The following BCAS3 variants were observed in gnomAD, a reference collection of about 807,000 sequenced individuals.
BCAS3 encodes BCAS3 microtubule associated cell migration factor.
Under a neutral mutation model 116.1 loss-of-function variants are expected in BCAS3, and 53 were observed. That is an observed-to-expected ratio of 0.46 (90% confidence interval 0.37 to 0.57). The LOEUF (loss-of-function observed/expected upper bound fraction) is 0.57, where lower values mean the gene tolerates loss of function less well. BCAS3 is among the 20% of genes least tolerant of loss of function. BCAS3 has a pLI of 0.00. For synonymous variants in BCAS3, 391 were observed against 408.2 expected (o/e 0.96, Z 0.51); for missense variants, 917 against 1,165.4 (o/e 0.79, Z 3.10).
At chr17:60,848,114 A>G (rs988060523) in intron 7 of BCAS3, among the ~76,000 whole-genome samples, 3 of 152,180 alleles carry the variant, frequency 2.0e-5, no homozygotes, top group African/African-American at 4.8e-5. Flanking sequence ...AAGTTAATTC[A>G]TCATTAATTT....
At chr17:61,022,375 G>A (rs1444340448) in intron 16 of BCAS3, among the ~76,000 whole-genome samples, 4 of 151,968 alleles carry the variant, frequency 2.6e-5, no homozygotes, top group Non-Finnish European at 4.4e-5. Context: ...TCAGCCTCCC[G>A]AGTAGCTGGA....
In BCAS3 at chr17:61,379,812, G is replaced by A. The variant is rs1232392763; in HGVS notation, c.2593+11318G>A. On this transcript the variant is annotated intron_variant, in intron 23 of 23. Transcript: ENST00000407086. The surrounding 1 kb of genome is among the most constrained non-coding windows in gnomAD (Gnocchi z 5.5). ...TTTGGGAGAAGCGCCATCCAGTCGTGTCATTTGTTCAGGATGACTTTTCCA... is the reference window on the plus strand; with the variant it reads ...TTTGGGAGAAGCGCCATCCAGTCGTATCATTTGTTCAGGATGACTTTTCCA... 1.3e-5 allele frequency: 2 copies of A among 152,794 alleles called. No individual in the cohort carries two copies. The highest frequency in any genetic ancestry group is 2.9e-5 in the Non-Finnish European group (2 of 68,538). The allele number at this position is 152,794 out of a possible 1,614,324, so 9.5% of individuals were successfully genotyped here.
rs556993072 is a variant in BCAS3 at position 61,054,714 on chromosome 17, A to G, written c.2029+13822A>G. 1.6e-4 allele frequency among the ~76,000 whole-genome samples: 25 copies of G among 152,280 alleles called. No individual in the cohort carries two copies. The South Asian group carries it at 5.2e-3, about 32-fold the overall frequency. The stretch of plus-strand genomic sequence containing the variant: ...TTAATATAGAAGTGAAACAAAAGGA[A>G]TGTCTCTATAAAGGGCTGCTTTTTA... On this transcript the variant is annotated intron_variant, in intron 19 of 23. Transcript: ENST00000407086.
At chr17:60,870,387 G>T (rs966552922) in intron 8 of BCAS3, among the ~76,000 whole-genome samples, 1 of 152,144 alleles carries the variant, frequency 6.6e-6, no homozygotes, top group Admixed American at 6.5e-5. Context: ...AGAAGCATAG[G>T]CTCTGTTGGA....
intron 14 of BCAS3, among the ~76,000 whole-genome samples, chr17:60,982,073 A>C (rs1177393085): frequency 6.6e-6 from 1 of 152,224 alleles, no homozygotes; most frequent in African/African-American, 2.4e-5. Flanking sequence ...GATATACTGT[A>C]TATTTGCATT....
chr17:60,721,524 G>T (rs73334325), intron 5 of BCAS3, among the ~76,000 whole-genome samples: 2 of 152,036 alleles, frequency 1.3e-5, no homozygotes, highest in Non-Finnish European at 1.5e-5. Flanking sequence ...GAATAGTGGC[G>T]TGACTCTTGT....
chr17:61,032,824 G>A lies in BCAS3; in HGVS notation c.1638-1842G>A. Among the ~76,000 whole-genome samples the A allele has an allele frequency of 6.6e-6, 1 of 152,144 alleles. No individual in the cohort carries two copies. Among genetic ancestry groups the A allele is most frequent in the East Asian group, 1.9e-4 (1 of 5,194 alleles). On this transcript the variant is annotated intron_variant, in intron 16 of 23. Coordinates refer to ENST00000407086, the MANE Select transcript of BCAS3 (RefSeq NM_017679.5). The surrounding 1 kb of genome is among the most constrained non-coding windows in gnomAD (Gnocchi z 4.6). Reference sequence around the variant, plus strand: ...TGTGACTGGTTGACATTTTAGGCATGGATGTTTTTTGTTGCAGGAATAATG... The same window carrying A: ...TGTGACTGGTTGACATTTTAGGCATAGATGTTTTTTGTTGCAGGAATAATG...
chr17:60,729,941 G>A (rs76243720), intron 5 of BCAS3, among the ~76,000 whole-genome samples: 4,881 of 152,284 alleles, frequency 0.032, 242 homozygotes, highest in African/African-American at 0.11. Context: ...GCCTCCAGGC[G>A]TGTGTGTCAC....
chr17:61,301,387 A>G (rs2053418579), intron 22 of BCAS3, among the ~76,000 whole-genome samples: 1 of 152,136 alleles, frequency 6.6e-6, no homozygotes, highest in Non-Finnish European at 1.5e-5. Context: ...TAATCCCAGC[A>G]CTTTGGGAGG....
In BCAS3 at chr17:61,347,302, G is replaced by A. The variant is rs935020405; in HGVS notation, c.2426-21025G>A. 4.6e-5 allele frequency among the ~76,000 whole-genome samples: 7 copies of A among 152,060 alleles called. No individual in the cohort carries two copies. Among genetic ancestry groups the A allele is most frequent in the African/African-American group, 9.7e-5 (4 of 41,394 alleles). On this transcript the variant is annotated intron_variant, in intron 22 of 23. Transcript: ENST00000407086. The surrounding 1 kb of genome is among the most constrained non-coding windows in gnomAD (Gnocchi z 4.3). ...ACACCGTGTTGGCCAGGCTGGTCTC[G>A]ATATGCTGACCTCAGGTGATCCACC...
rs114187487 is a variant in BCAS3 at position 60,727,323 on chromosome 17, C to T, written c.321+17998C>T. The T allele has an allele frequency of 7.6e-3, 9,850 of 1,303,016 alleles. 486 individuals carry two copies. The African/African-American group carries it at 0.11, about 15-fold the overall frequency. 80.7% of individuals were successfully genotyped at this position (1,303,016 alleles called of 1,614,324 possible). A position where few individuals can be genotyped will look rare whatever the true frequency, so the allele number is the denominator to read the frequency against. The stretch of plus-strand genomic sequence containing the variant: ...GTGGTCTTAGCCTTCTTCAGGAAAA[C>T]TGGCCTTCTCTGCCCACCATAGCCA... On this transcript the variant is annotated intron_variant, in intron 5 of 23. Coordinates refer to ENST00000407086, the MANE Select transcript of BCAS3 (RefSeq NM_017679.5).
chr17:60,975,096 G>T (rs1388840575), intron 14 of BCAS3, among the ~76,000 whole-genome samples: 1 of 151,178 alleles, frequency 6.6e-6, no homozygotes, highest in Non-Finnish European at 1.5e-5. Flanking sequence ...CCGCCTCCCG[G>T]GTTCACGCCA....
At chr17:61,138,105 T>C in intron 22 of BCAS3, among the ~76,000 whole-genome samples, 1 of 152,192 alleles carries the variant, frequency 6.6e-6, no homozygotes, top group East Asian at 1.9e-4. Flanking sequence ...AAACTTTCTG[T>C]GATAATGGAA....
chr17:61,297,105 C>T (rs955015672), intron 22 of BCAS3, among the ~76,000 whole-genome samples: 3 of 152,100 alleles, frequency 2.0e-5, no homozygotes, highest in South Asian at 4.1e-4. Flanking sequence ...GAATGCCTTC[C>T]GTAAGGTAGG....
At chr17:60,684,937 G>A (rs191529488) in intron 3 of BCAS3, among the ~76,000 whole-genome samples, 204 of 152,260 alleles carry the variant, frequency 1.3e-3, no homozygotes, top group Non-Finnish European at 2.6e-3. Flanking sequence ...AAAAGAAACA[G>A]TGTTATGGTA....
intron 14 of BCAS3, among the ~76,000 whole-genome samples, chr17:60,985,254 T>C (rs1327430510): frequency 1.3e-5 from 2 of 149,400 alleles, no homozygotes; most frequent in East Asian, 4.3e-4. Flanking sequence ...CAAGTGATTC[T>C]CCTGCCTCAG....
chr17:60,867,658 G>T (rs1382865522), intron 7 of BCAS3, among the ~76,000 whole-genome samples: 1 of 152,114 alleles, frequency 6.6e-6, no homozygotes, highest in Non-Finnish European at 1.5e-5. Flanking sequence ...GCCTCTGTGT[G>T]TGTGTGCACA....
chr17:61,071,555 G>A (rs1286779580), intron 19 of BCAS3, among the ~76,000 whole-genome samples: 1 of 152,198 alleles, frequency 6.6e-6, no homozygotes, highest in Non-Finnish European at 1.5e-5. Flanking sequence ...TGCGAGGGAT[G>A]TCAATGTTAA....
chr17:60,794,818 G>T (rs551125064), intron 6 of BCAS3, among the ~76,000 whole-genome samples: 6 of 152,244 alleles, frequency 3.9e-5, no homozygotes, highest in African/African-American at 1.4e-4. Context: ...TTAGAATATG[G>T]TTTGAAATTA....
Sources: allele counts gnomAD v4.1 joint callset (sites outside exome capture counted in the v4.1 genomes callset), GRCh38; gene constraint gnomAD v4.1.1; non-coding constraint Gnocchi (gnomAD v3.1); transcripts MANE v1.5; gene names NCBI Gene and HGNC (gene_info 2026-07-23, HGNC 2026-07-21).